PKD2: variants seen among roughly 807,000 people sequenced by gnomAD.
The protein encoded by PKD2 is polycystin 2, transient receptor potential cation channel.
A neutral mutation model predicts 105.9 loss-of-function variants in PKD2; 48 were observed. The ratio of observed to expected loss-of-function variants is 0.45; its 90% CI spans 0.36 to 0.58. PKD2 has a LOEUF of 0.58. Among genes scored for constraint, PKD2 ranks in the 20% least tolerant of loss-of-function variants. PKD2 has a pLI of 0.00. For missense variants in PKD2, 1,078 were observed against 1,255.3 expected, an observed-to-expected ratio of 0.86 and a Z score of 2.13; for synonymous variants, 464 against 481.1, an observed-to-expected ratio of 0.96 and a Z score of 0.46.
chr4:88,077,634 CT>C lies in PKD2; in HGVS notation c.*1941del, dbSNP rs886059710. On this transcript the variant is annotated 3_prime_UTR_variant, in exon 15 of 15. Transcript: ENST00000237596. ...TCTTTAGTCATGGAGAACTCCCCCC[CT>C]CATCTCTTCCCTATTATCTTTCCCT... is the stretch of plus-strand genomic sequence containing the variant. 1 of 152,334 alleles carries C rather than the reference CT, an allele frequency of 6.6e-6. No homozygotes were observed. Among genetic ancestry groups the C allele is most frequent in the Non-Finnish European group, 1.5e-5 (1 of 68,034 alleles). The allele number at this position is 152,334 out of a possible 1,614,324, so 9.4% of individuals were successfully genotyped here.
chr4:88,054,420 T>G (rs1275990835), intron 7 of PKD2, among the ~76,000 whole-genome samples: 2 of 150,572 alleles, frequency 1.3e-5, no homozygotes, highest in Non-Finnish European at 3.0e-5. Flanking sequence ...AAAAAAGATC[T>G]CAAATGAATT....
chr4:88,064,599 T>C (rs1481949966), intron 10 of PKD2, among the ~76,000 whole-genome samples: 1 of 152,044 alleles, frequency 6.6e-6, no homozygotes, highest in Admixed American at 6.6e-5. Context: ...AGTTCGCTAA[T>C]GAAAAATCCT....
chr4:88,029,792 A>G (rs976202709), intron 2 of PKD2, among the ~76,000 whole-genome samples: 5 of 152,200 alleles, frequency 3.3e-5, no homozygotes, highest in Non-Finnish European at 7.3e-5. Context: ...AAGAATGAAA[A>G]CGAGTCAGAC....
Position 88,068,080 on chromosome 4 carries a change from G to T in PKD2, c.2522+19G>T. The T allele has an allele frequency of 6.2e-7, 1 of 1,610,678 alleles. No individual in the cohort carries two copies. Among genetic ancestry groups the T allele is most frequent in the Non-Finnish European group, 8.5e-7 (1 of 1,176,928 alleles). ...TTCAAGTGTAAGTATAAAGGAATTG[G>T]CAGAATTTGCGTTGACAAGAGTCCA... On this transcript the variant is annotated intron_variant, in intron 13 of 14. Transcript: ENST00000237596.
Position 88,046,769 on chromosome 4 carries a change from T to C in PKD2, c.1447T>C (p.Phe483Leu). 1 of 1,611,784 alleles carries C rather than the reference T, an allele frequency of 6.2e-7. No homozygotes were observed. ...AGCCTGTGAGATTATCTTTTGTTTC[T>C]TTATCTTTTACTATGTGGTGGAAGA... is the stretch of plus-strand genomic sequence containing the variant. ...LAACEIIFCF[F>L]IFYYVVEEIL... The change falls in exon 6 of 15, where the codon TTT becomes CTT. Residue 483 changes from phenylalanine to leucine, a missense_variant. Physicochemically the swap from Phe to Leu is conservative, Grantham distance 22. This residue lies in a region of PKD2 where 868 missense variants were observed against 1,067.3 expected (regional missense o/e 0.81). Coordinates refer to ENST00000237596, the MANE Select transcript of PKD2 (RefSeq NM_000297.4).
intron 1 of PKD2, among the ~76,000 whole-genome samples, chr4:88,016,058 A>C (rs987546178): frequency 1.1e-4 from 16 of 152,254 alleles, no homozygotes; most frequent in African/African-American, 3.9e-4. Flanking sequence ...TCACATGCGC[A>C]GTTCACAATA....
At chr4:88,074,678 G>A in intron 13 of PKD2, 134 bp from the exon 14 acceptor site, 1 of 945,658 alleles carries the variant, frequency 1.1e-6, no homozygotes, top group Admixed American at 2.0e-5. Context: ...TGTAAAGCTT[G>A]AGACAACTTA....
chr4:88,052,063 G>A lies in PKD2; in HGVS notation c.1621G>A (p.Asp541Asn). ...GGAGGTGCTACTACAGTTTCTGGAA[G>A]ATCAAAATACTTTCCCCAACTTTGA... is the stretch of plus-strand genomic sequence containing the variant. Reference protein sequence around the residue: ...NVEVLLQFLEDQNTFPNFEHL... With the variant: ...NVEVLLQFLENQNTFPNFEHL... Residue 541 changes from aspartate (D) to asparagine (N), a missense_variant, in exon 7 of 15, where the codon GAT becomes AAT. By Grantham distance (23) the Asp-to-Asn change is conservative (BLOSUM62 1). This residue lies in a region of PKD2 where 868 missense variants were observed against 1,067.3 expected (regional missense o/e 0.81). Coordinates refer to ENST00000237596, the MANE Select transcript of PKD2 (RefSeq NM_000297.4). The A allele has an allele frequency of 1.2e-6, 2 of 1,602,412 alleles. No homozygotes were observed. Among genetic ancestry groups the A allele is most frequent in the South Asian group, 2.2e-5 (2 of 90,764 alleles).
chr4:88,073,970 A>G (rs1393370015), intron 13 of PKD2, among the ~76,000 whole-genome samples: 3 of 152,202 alleles, frequency 2.0e-5, no homozygotes, highest in Non-Finnish European at 4.4e-5. Flanking sequence ...TAGAATTGTA[A>G]GTGAACATGC....
At chr4:88,055,400 A>G (rs1720286899) in intron 7 of PKD2, among the ~76,000 whole-genome samples, 1 of 152,082 alleles carries the variant, frequency 6.6e-6, no homozygotes, top group Non-Finnish European at 1.5e-5. Flanking sequence ...AAGCATCACT[A>G]GTCACAGTTC....
chr4:88,074,520 T>C (rs1721156886), intron 13 of PKD2, among the ~76,000 whole-genome samples: 1 of 152,166 alleles, frequency 6.6e-6, no homozygotes, highest in Non-Finnish European at 1.5e-5. Flanking sequence ...AAATTACACA[T>C]ATATAAAATT....
chr4:88,066,097 G>A (rs1480967304), intron 12 of PKD2, among the ~76,000 whole-genome samples: 2 of 152,054 alleles, frequency 1.3e-5, no homozygotes, highest in African/African-American at 4.8e-5. Flanking sequence ...ATATAAAAAC[G>A]TCAAAATGAA....
In PKD2 at chr4:88,008,067, G is replaced by A. The variant is rs1410359671; in HGVS notation, c.334G>A (p.Val112Met). The part of the protein sequence containing the change: ...EVEGEEGGMV[V>M]EMDVEWRPGS... Reference sequence around the variant, plus strand: ...GGAAGGGGAAGAAGGCGGAATGGTGGTGGAGATGGACGTAGAGTGGCGCCC... The same window carrying A: ...GGAAGGGGAAGAAGGCGGAATGGTGATGGAGATGGACGTAGAGTGGCGCCC... The change falls in exon 1 of 15, where the codon GTG becomes ATG. Residue 112 changes from valine (V) to methionine (M), a missense_variant. Transcript: ENST00000237596. 1.3e-6 allele frequency: 2 copies of A among 1,522,510 alleles called. No individual in the cohort carries two copies. The highest frequency in any genetic ancestry group is 1.8e-6 in the Non-Finnish European group (2 of 1,140,166). 94.3% of individuals were successfully genotyped at this position (1,522,510 alleles called of 1,614,324 possible). A position where few individuals can be genotyped will look rare whatever the true frequency, so the allele number is the denominator to read the frequency against.
chr4:88,015,265 C>A (rs917180573), intron 1 of PKD2, among the ~76,000 whole-genome samples: 5 of 152,110 alleles, frequency 3.3e-5, no homozygotes, highest in African/African-American at 9.7e-5. Context: ...ATTGCTACCC[C>A]CTATCATATC....
Position 88,007,668 on chromosome 4 carries a change from G to A in PKD2, c.-66G>A. On this transcript the variant is annotated 5_prime_UTR_variant, in exon 1 of 15. An upstream start codon of the reference 5' UTR is lost. Transcript: ENST00000237596. ...GCGGGCGCCGGGAAGAAAGGAACAT[G>A]GCTCCTGAGGCGCACAGCGCCGAGC... is the stretch of plus-strand genomic sequence containing the variant. 9.6e-7 allele frequency: 1 copy of A among 1,039,918 alleles called. No homozygotes were observed. Among genetic ancestry groups the A allele is most frequent in the South Asian group, 3.9e-5 (1 of 25,334 alleles). The allele number at this position is 1,039,918 out of a possible 1,614,324, so 64.4% of individuals were successfully genotyped here. A position where few individuals can be genotyped will look rare whatever the true frequency, so the allele number is the denominator to read the frequency against.
intron 7 of PKD2, among the ~76,000 whole-genome samples, chr4:88,054,203 G>A (rs1277831006): frequency 6.6e-6 from 1 of 151,836 alleles, no homozygotes; most frequent in Non-Finnish European, 1.5e-5. Context: ...AGACCAGCCT[G>A]GCCAACATGG....
At chr4:88,051,743 T>TGCACG (rs1258062669) in intron 6 of PKD2, among the ~76,000 whole-genome samples, 1 of 152,228 alleles carries the variant, frequency 6.6e-6, no homozygotes, top group East Asian at 1.9e-4. Flanking sequence ...TGCACACACA[T>TGCACG]GCATGCATGC....
At chr4:88,063,002 A>G (rs1720636456) in intron 10 of PKD2, among the ~76,000 whole-genome samples, 1 of 152,214 alleles carries the variant, frequency 6.6e-6, no homozygotes, top group South Asian at 2.1e-4. Context: ...TTCAGTTATC[A>G]TAGTATATTA....
intron 14 of PKD2, 25 bp from the exon 15 acceptor site, chr4:88,075,433 C>T: frequency 6.4e-7 from 1 of 1,550,652 alleles, no homozygotes; most frequent in Non-Finnish European, 8.9e-7. Flanking sequence ...CTGCCCCCAA[C>T]ACCAGTTTCT....
Sources: allele counts gnomAD v4.1 joint callset (sites outside exome capture counted in the v4.1 genomes callset), GRCh38; gene constraint gnomAD v4.1.1; regional missense constraint gnomAD v4.1.1; transcripts MANE v1.5; gene names NCBI Gene and HGNC (gene_info 2026-07-23, HGNC 2026-07-21).